STK3: variants seen among roughly 807,000 people sequenced by gnomAD.
STK3 encodes serine/threonine kinase 3.
A neutral mutation model predicts 58.0 loss-of-function variants in STK3; 41 were observed. The observed-to-expected ratio is 0.71, with a 90% confidence interval of 0.55 to 0.92. The LOEUF (loss-of-function observed/expected upper bound fraction) is 0.92, where lower values mean the gene tolerates loss of function less well. STK3 is among the 40% of genes least tolerant of loss of function. The pLI, the probability that STK3 is intolerant of heterozygous loss-of-function variation, is 0.00. For synonymous variants in STK3, 170 were observed against 191.0 expected, an observed-to-expected ratio of 0.89 and a Z score of 0.91; for missense variants, 479 against 602.7, an observed-to-expected ratio of 0.79 and a Z score of 2.15.
At chr8:98,488,044 C>T (rs1278192533) in intron 10 of STK3, among the ~76,000 whole-genome samples, 1 of 152,198 alleles carries the variant, frequency 6.6e-6, no homozygotes, top group East Asian at 1.9e-4. Context: ...ACACATTAAG[C>T]TGGCACTGAA....
At chr8:98,617,885 C>A (rs915478283) in intron 6 of STK3, among the ~76,000 whole-genome samples, 4 of 152,078 alleles carry the variant, frequency 2.6e-5, no homozygotes, top group African/African-American at 9.7e-5. Flanking sequence ...ACCAGAGGTA[C>A]AAGGAGGAAC....
intron 1 of STK3, among the ~76,000 whole-genome samples, chr8:98,806,880 C>G (rs1372734883): frequency 1.3e-5 from 2 of 152,104 alleles, no homozygotes; most frequent in Non-Finnish European, 2.9e-5. Flanking sequence ...GTGGGCTGAG[C>G]ACGGTGGCTC....
chr8:98,382,260 G>A (rs758791401), intron 1 of STK3, among the ~76,000 whole-genome samples: 1 of 152,194 alleles, frequency 6.6e-6, no homozygotes. Context: ...AAGCAGGCCT[G>A]GAAAGTGAAC....
intron 6 of STK3, chr8:98,598,464 G>A: frequency 1.0e-6 from 1 of 985,320 alleles, no homozygotes; most frequent in African/African-American, 1.7e-5. Context: ...AATGTCTCCA[G>A]GAAAACCACT....
intron 6 of STK3, among the ~76,000 whole-genome samples, chr8:98,704,562 G>T (rs1331505542): frequency 6.8e-6 from 1 of 147,628 alleles, no homozygotes; most frequent in African/African-American, 2.5e-5. Flanking sequence ...GTAGGATTTA[G>T]ATTTAAAAAA....
At chr8:98,472,893 G>T (rs1202053864) in intron 10 of STK3, among the ~76,000 whole-genome samples, 1 of 152,046 alleles carries the variant, frequency 6.6e-6, no homozygotes, top group Admixed American at 6.6e-5. Flanking sequence ...ATAGTAAGGA[G>T]AATGAGAACA....
intron 2 of STK3, among the ~76,000 whole-genome samples, chr8:98,378,879 G>C (rs184654641): frequency 6.6e-6 from 1 of 152,232 alleles, no homozygotes; most frequent in East Asian, 1.9e-4. Flanking sequence ...TGGCCTCCTT[G>C]ATCCCCATGG....
At chr8:98,828,738 C>T (rs780583245), upstream of STK3, among the ~76,000 whole-genome samples, 1 of 152,218 alleles carries the variant, frequency 6.6e-6, no homozygotes, top group African/African-American at 2.4e-5. Context: ...CATCATCACC[C>T]ACTATCTGTC....
At chr8:98,910,157 T>C (rs1839072550) in intron 1 of STK3, among the ~76,000 whole-genome samples, 1 of 152,260 alleles carries the variant, frequency 6.6e-6, no homozygotes, top group African/African-American at 2.4e-5. Context: ...GAGAAATGTC[T>C]ATTCAGATCC....
At chr8:98,858,317 T>TAGAA (rs1374014336) in intron 3 of STK3, among the ~76,000 whole-genome samples, 3 of 49,258 alleles carry the variant, frequency 6.1e-5, no homozygotes, top group Non-Finnish European at 1.1e-4. Flanking sequence ...TATATATATA[T>TAGAA]ATATATAGAG....
At chr8:98,738,359 G>C (rs1407623808) in intron 4 of STK3, among the ~76,000 whole-genome samples, 1 of 152,076 alleles carries the variant, frequency 6.6e-6, no homozygotes, top group African/African-American at 2.4e-5. Flanking sequence ...TATAATCCCA[G>C]CTACTAGGGA....
upstream of STK3, among the ~76,000 whole-genome samples, chr8:98,391,686 T>C (rs1362186361): frequency 6.6e-6 from 1 of 152,222 alleles, no homozygotes; most frequent in East Asian, 1.9e-4. Context: ...TATTTGCTCT[T>C]GAGCGTCCTT....
At chr8:98,872,838 CT>C (rs1281822852) in intron 3 of STK3, among the ~76,000 whole-genome samples, 1 of 152,132 alleles carries the variant, frequency 6.6e-6, no homozygotes, top group African/African-American at 2.4e-5. Flanking sequence ...TCTCTGTCTC[CT>C]TAGTTCTGCT....
chr8:98,752,561 A>T (rs1830048281), intron 3 of STK3, among the ~76,000 whole-genome samples: 1 of 152,166 alleles, frequency 6.6e-6, no homozygotes, highest in African/African-American at 2.4e-5. Context: ...CGACAAAGAC[A>T]CCCAAAGCAA....
At chr8:98,508,775 G>A (rs144533676) in intron 10 of STK3, among the ~76,000 whole-genome samples, 166 of 152,116 alleles carry the variant, frequency 1.1e-3, no homozygotes, top group African/African-American at 3.5e-3. Flanking sequence ...AACAATTTAG[G>A]ACTAACAATT....
At chr8:98,711,606 C>T (rs903822057) in intron 4 of STK3, among the ~76,000 whole-genome samples, 21 of 152,260 alleles carry the variant, frequency 1.4e-4, no homozygotes, top group African/African-American at 4.8e-4. Flanking sequence ...AAGAAATGAA[C>T]AAAGCCTCCA....
At position 98,705,483 on chromosome 8, in the gene STK3, A is replaced by G. The variant is rs547182089; in HGVS notation, c.684+984T>C. On this transcript the variant is annotated intron_variant, in intron 6 of 10. Coordinates refer to ENST00000419617, the MANE Select transcript of STK3 (RefSeq NM_006281.4). Reference sequence around the variant, plus strand: ...AGACAGATTTTTAAATATTTTCTGTATAATACACTGTTACCTATATTATCG... The same window carrying G: ...AGACAGATTTTTAAATATTTTCTGTGTAATACACTGTTACCTATATTATCG... 5.1e-4 allele frequency among the ~76,000 whole-genome samples: 77 copies of G among 152,212 alleles called. 2 individuals are homozygous for G. The South Asian group carries it at 0.012, about 23-fold the overall frequency.
chr8:98,781,994 G>A (rs2131532626), intron 1 of STK3: 1 of 155,152 alleles, frequency 6.4e-6, no homozygotes, highest in Non-Finnish European at 1.4e-5. Context: ...GGAAATTTAA[G>A]AGATAAAAAA....
intron 3 of STK3, among the ~76,000 whole-genome samples, chr8:98,834,437 A>C (rs907362925): frequency 6.6e-6 from 1 of 152,246 alleles, no homozygotes; most frequent in Non-Finnish European, 1.5e-5. Context: ...AAAATGGGGA[A>C]ATTGTAATTA....
Sources: allele counts gnomAD v4.1 joint callset (sites outside exome capture counted in the v4.1 genomes callset), GRCh38; gene constraint gnomAD v4.1.1; transcripts MANE v1.5; gene names NCBI Gene and HGNC (gene_info 2026-07-23, HGNC 2026-07-21).